The following FBXO10 variants were observed in gnomAD, a reference collection of about 807,000 sequenced individuals.
The protein encoded by FBXO10 is F-box protein 10, also known as F-box only protein 10.
Under a neutral mutation model 80.7 loss-of-function variants are expected in FBXO10, and 39 were observed. The observed-to-expected ratio is 0.48, with a 90% confidence interval of 0.37 to 0.63. FBXO10 has a LOEUF of 0.63. Ranked by LOEUF, FBXO10 falls within the 30% of genes least tolerant of loss-of-function variation. The pLI is 0.00. For synonymous variants in FBXO10, 449 were observed against 489.6 expected (o/e 0.92, Z 1.09); for missense variants, 1,025 against 1,269.0 (o/e 0.81, Z 2.92).
At chr9:37,545,711 G>T (rs79412600) in intron 1 of FBXO10, among the ~76,000 whole-genome samples, 3,996 of 152,258 alleles carry the variant, frequency 0.026, 190 homozygotes, top group African/African-American at 0.091. Flanking sequence ...GTCCAAAATG[G>T]AACTCTGACT....
intron 10 of FBXO10, chr9:37,515,078 A>G: frequency 6.6e-6 from 1 of 152,274 alleles, no homozygotes; most frequent in Non-Finnish European, 1.5e-5. Flanking sequence ...GGGCAGGGAG[A>G]CTGGCAGGAG....
chr9:37,516,525 G>A (rs1357636165), intron 9 of FBXO10, among the ~76,000 whole-genome samples: 1 of 152,228 alleles, frequency 6.6e-6, no homozygotes, highest in Non-Finnish European at 1.5e-5. Flanking sequence ...ACTGTAAAGA[G>A]GCTTTAGGCG....
chr9:37,512,380 T>C lies in FBXO10; in HGVS notation c.*167A>G, dbSNP rs186306135. On this transcript the variant is annotated 3_prime_UTR_variant, in exon 11 of 11. Coordinates refer to ENST00000432825, the MANE Select transcript of FBXO10 (RefSeq NM_012166.3). ...CTGAAAAACATTGCCCACTTTCTTC[T>C]TGCTATGGGCTGTGGAGCTGAAGTG... 2.5e-4 allele frequency: 138 copies of C among 562,960 alleles called. No individual in the cohort carries two copies. The highest frequency in any genetic ancestry group is 2.0e-3 in the Admixed American group (56 of 28,470). 34.9% of individuals were successfully genotyped at this position (562,960 alleles called of 1,614,324 possible).
chr9:37,544,622 G>A lies in FBXO10; in HGVS notation c.-6-2848C>T, dbSNP rs566307914. Among the ~76,000 whole-genome samples the A allele has an allele frequency of 3.3e-5, 5 of 152,284 alleles. No individual in the cohort carries two copies. The East Asian group carries it at 5.8e-4, about 18-fold the overall frequency. ...AATGCTGAGCTTCCTCAAGACTGGC[G>A]TGGCTTTAATTCTGCAGATTTGTAC... On this transcript the variant is annotated intron_variant, in intron 1 of 10. Coordinates refer to ENST00000432825, the MANE Select transcript of FBXO10 (RefSeq NM_012166.3).
chr9:37,537,458 G>A lies in FBXO10; in HGVS notation c.1071C>T (p.Gly357=). The change falls in exon 3 of 11, where the codon GGC becomes GGT. Residue 357 remains glycine, a synonymous_variant. Transcript: ENST00000432825. The part of the protein sequence containing the change: ...VAQTPDSSDG[G]LSPSGEDEDE... ...CTTCATCCTCACCGCTGGGACTCAG[G>A]CCTCCATCGCTGCTGTCCGGGGTCT... 2 of 1,605,298 alleles carry A rather than the reference G, an allele frequency of 1.2e-6. No homozygotes were observed. Among genetic ancestry groups the A allele is most frequent in the Non-Finnish European group, 1.7e-6 (2 of 1,175,892 alleles).
intron 2 of FBXO10, among the ~76,000 whole-genome samples, chr9:37,538,222 ACTC>A (rs1821823446): frequency 6.6e-6 from 1 of 151,960 alleles, no homozygotes; most frequent in South Asian, 2.1e-4. Context: ...CTGCAGCATG[ACTC>A]CTCCTAAAAC....
intron 1 of FBXO10, among the ~76,000 whole-genome samples, chr9:37,552,879 C>T (rs781500753): frequency 3.3e-5 from 5 of 152,008 alleles, no homozygotes; most frequent in Admixed American, 6.6e-5. Flanking sequence ...AATGCATCCC[C>T]ACAAACCCTT....
At chr9:37,513,012 C>A (rs999081496) in intron 10 of FBXO10, among the ~76,000 whole-genome samples, 1 of 152,238 alleles carries the variant, frequency 6.6e-6, no homozygotes, top group African/African-American at 2.4e-5. Flanking sequence ...GTTGCCCAGG[C>A]TGGGGTGCAG....
In FBXO10 at chr9:37,518,530, G is replaced by A. The variant is rs963106520; in HGVS notation, c.2201-92C>T. ...AAGCCTTCCCTGAATTGTGCACTCC[G>A]GGAGAACGGAGTGGAGAAGAAGAGG... On this transcript the variant is annotated intron_variant, in intron 8 of 10. Transcript: ENST00000432825. 3.0e-5 allele frequency: 33 copies of A among 1,102,292 alleles called. No homozygotes were observed. Among genetic ancestry groups the A allele is most frequent in the African/African-American group, 2.0e-4 (13 of 63,506 alleles). 68.3% of individuals were successfully genotyped at this position (1,102,292 alleles called of 1,614,324 possible).
intron 9 of FBXO10, among the ~76,000 whole-genome samples, chr9:37,516,856 G>T (rs2119048015): frequency 6.6e-6 from 1 of 151,960 alleles, no homozygotes; most frequent in East Asian, 1.9e-4. Flanking sequence ...AGCTACTTGG[G>T]AGGCTGAGGC....
In FBXO10 at chr9:37,555,296, T is replaced by C. The variant is rs116138290; in HGVS notation, c.-6-13522A>G. Among the ~76,000 whole-genome samples the C allele has an allele frequency of 8.9e-3, 1,352 of 152,306 alleles. 16 individuals carry two copies. The highest frequency in any genetic ancestry group is 0.031 in the African/African-American group (1,282 of 41,550). ...TTGGTTTTAATTTGCATTTTCTTCA[T>C]AATACACGATGTTGAGATTTTTTGC... On this transcript the variant is annotated intron_variant, in intron 1 of 10. Transcript: ENST00000432825.
chr9:37,562,426 C>T (rs1460218678), intron 1 of FBXO10, among the ~76,000 whole-genome samples: 8 of 152,128 alleles, frequency 5.3e-5, no homozygotes, highest in African/African-American at 4.8e-5. Flanking sequence ...GGATGAACCA[C>T]GGGAAAAGGG....
intron 1 of FBXO10, among the ~76,000 whole-genome samples, chr9:37,562,488 G>A (rs1387388904): frequency 6.6e-6 from 1 of 152,170 alleles, no homozygotes; most frequent in Non-Finnish European, 1.5e-5. Context: ...GGCACCTCTA[G>A]GAGGAAATTC....
chr9:37,553,049 T>C (rs1454773000), intron 1 of FBXO10, among the ~76,000 whole-genome samples: 3 of 150,350 alleles, frequency 2.0e-5, no homozygotes, highest in African/African-American at 7.4e-5. Flanking sequence ...TGTGTGTGTG[T>C]GTATTTTTTT....
intron 5 of FBXO10, among the ~76,000 whole-genome samples, chr9:37,526,718 C>T (rs1426746157): frequency 6.6e-6 from 1 of 152,202 alleles, no homozygotes; most frequent in Non-Finnish European, 1.5e-5. Context: ...TCCTTTCCAG[C>T]TCCTAGAGGC....
At chr9:37,533,630 G>A (rs1821682962) in intron 3 of FBXO10, among the ~76,000 whole-genome samples, 2 of 151,874 alleles carry the variant, frequency 1.3e-5, no homozygotes, top group Admixed American at 6.6e-5. Context: ...CAGCACTTTG[G>A]GAGGCTGAGG....
At chr9:37,544,701 A>G (rs1822007979) in intron 1 of FBXO10, among the ~76,000 whole-genome samples, 1 of 152,040 alleles carries the variant, frequency 6.6e-6, no homozygotes, top group African/African-American at 2.4e-5. Flanking sequence ...GACTTTACTA[A>G]GAGAGAAAAG....
Position 37,569,585 on chromosome 9 carries a change from C to T in FBXO10, c.-7+6626G>A, listed in dbSNP as rs568381380. Among the ~76,000 whole-genome samples, 5 of 152,114 alleles carry T rather than the reference C, an allele frequency of 3.3e-5. No individual in the cohort carries two copies. The South Asian group carries it at 1.0e-3, about 32-fold the overall frequency. On this transcript the variant is annotated intron_variant, in intron 1 of 10. Transcript: ENST00000432825. ...CATTGAATCCAATAACTGTAGAATACATTTTACTTTCAAACACACATGGAA... is the reference window on the plus strand; with the variant it reads ...CATTGAATCCAATAACTGTAGAATATATTTTACTTTCAAACACACATGGAA...
At chr9:37,521,399 G>A (rs1321654786) in intron 8 of FBXO10, among the ~76,000 whole-genome samples, 170 bp downstream of exon 8, 1 of 152,222 alleles carries the variant, frequency 6.6e-6, no homozygotes, top group Non-Finnish European at 1.5e-5. Context: ...CCCTCCAAGT[G>A]TGAAGTGGCA....
Sources: allele counts gnomAD v4.1 joint callset (sites outside exome capture counted in the v4.1 genomes callset), GRCh38; gene constraint gnomAD v4.1.1; transcripts MANE v1.5; gene names NCBI Gene and HGNC (gene_info 2026-07-23, HGNC 2026-07-21).